ZC3H7B: variants seen among roughly 807,000 people sequenced by gnomAD.
ZC3H7B encodes zinc finger CCCH-type containing 7B, also known as zinc finger CCCH domain-containing protein 7B.
In ZC3H7B, 35 loss-of-function variants were observed where a neutral mutation model predicts 116.0. The ratio of observed to expected loss-of-function variants is 0.30; its 90% CI spans 0.23 to 0.40. The LOEUF is 0.40. Ranked by LOEUF, ZC3H7B falls within the 10% of genes least tolerant of loss-of-function variation. The probability of loss-of-function intolerance (pLI) is 1.00; values close to 1 mark genes in which losing one functional copy is unlikely to be tolerated. For synonymous variants in ZC3H7B, 502 were observed against 545.6 expected, an observed-to-expected ratio of 0.92 and a Z score of 1.11; for missense variants, 1,011 against 1,321.5, an observed-to-expected ratio of 0.77 and a Z score of 3.64.
intron 1 of ZC3H7B, among the ~76,000 whole-genome samples, chr22:41,306,467 G>C (rs1299913949): frequency 6.7e-6 from 1 of 149,536 alleles, no homozygotes; most frequent in East Asian, 2.0e-4. Flanking sequence ...TCCGCCTCCC[G>C]GGTTCAAGTG....
intron 7 of ZC3H7B, chr22:41,336,411 C>T (rs1406115802): frequency 6.6e-6 from 1 of 152,242 alleles, no homozygotes; most frequent in Admixed American, 6.5e-5. Context: ...CACCTATAAT[C>T]CCAGCACTCT....
rs751248989 is a variant in ZC3H7B at position 41,346,144 on chromosome 22, G to A, written c.1601G>A (p.Arg534His). 22 of 1,612,932 alleles carry A rather than the reference G, an allele frequency of 1.4e-5. No individual in the cohort carries two copies. The highest frequency in any genetic ancestry group is 2.2e-5 in the South Asian group (2 of 91,090). The change falls in exon 14 of 23, where the codon CGC (arginine) becomes CAC (histidine). Residue 534 changes from arginine (R) to histidine (H), a missense_variant. This residue lies in a region of ZC3H7B where 179 missense variants were observed against 178.5 expected (regional missense o/e 1.00). Transcript: ENST00000352645. The surrounding 1 kb of genome is among the most constrained non-coding windows in gnomAD (Gnocchi z 5.3). ...TTCGACCCGCTGGGGGGTGTTAAGC[G>A]CGGCAGCCTCACCATCGCCAAGCTC... ...LLFDPLGGVK[R>H]GSLTIAKLLK... is the part of the protein sequence containing the mutation.
At chr22:41,304,585 A>C (rs537725756) in intron 1 of ZC3H7B, among the ~76,000 whole-genome samples, 7 of 152,254 alleles carry the variant, frequency 4.6e-5, no homozygotes, top group African/African-American at 1.4e-4. Flanking sequence ...GTGCAGTGGG[A>C]GTGGAGAGAA....
At chr22:41,309,008 C>CTTTT (rs57147100) in intron 1 of ZC3H7B, among the ~76,000 whole-genome samples, 9 of 103,282 alleles carry the variant, frequency 8.7e-5, no homozygotes, top group East Asian at 2.3e-4. Flanking sequence ...TCCCAGTCTG[C>CTTTT]TTTTTTTTTT....
At chr22:41,317,198 T>G (rs1449847694) in intron 1 of ZC3H7B, among the ~76,000 whole-genome samples, 1 of 151,838 alleles carries the variant, frequency 6.6e-6, no homozygotes, top group African/African-American at 2.4e-5. Flanking sequence ...CAGGCTGGTC[T>G]CGAACTCCTG....
rs375770305 is a variant in ZC3H7B at position 41,330,031 on chromosome 22, C to T, written c.453C>T (p.Ser151=). The T allele has an allele frequency of 5.0e-6, 8 of 1,613,694 alleles. No homozygotes were observed. Among genetic ancestry groups the T allele is most frequent in the African/African-American group, 4.0e-5 (3 of 74,944 alleles). ...RCSLALPHDE[S]VTQLGQELAQ... is the part of the protein sequence containing the mutation. ...TGTCTTGTCCTCTGCAGGATGAAAG[C>T]GTGACTCAGCTTGGTCAGGAGCTGG... Residue 151 remains serine, a synonymous_variant, in exon 6 of 23, where the codon AGC becomes AGT. Transcript: ENST00000352645.
intron 11 of ZC3H7B, 109 bp from the exon 12 acceptor site, chr22:41,342,420 G>A: frequency 2.0e-6 from 2 of 991,504 alleles, no homozygotes; most frequent in Admixed American, 1.9e-5. Flanking sequence ...TTTGCTCTTG[G>A]GTAGGATAGG....
chr22:41,343,709 G>A (rs975940590), intron 13 of ZC3H7B, 133 bp downstream of exon 13: 28 of 1,279,934 alleles, frequency 2.2e-5, no homozygotes, highest in African/African-American at 7.6e-5. Context: ...AGAAAGCCAC[G>A]GCCTAGGCTC....
intron 13 of ZC3H7B, among the ~76,000 whole-genome samples, chr22:41,345,129 A>C (rs1282083709): frequency 1.3e-5 from 2 of 152,066 alleles, no homozygotes; most frequent in African/African-American, 2.4e-5. Flanking sequence ...CGCCAGCTTT[A>C]TGTATTATCT....
chr22:41,329,261 T>G (rs1353150071), intron 5 of ZC3H7B, among the ~76,000 whole-genome samples: 1 of 145,266 alleles, frequency 6.9e-6, no homozygotes, highest in Non-Finnish European at 1.5e-5. Flanking sequence ...AACTAAGCTT[T>G]TTTTTTTTTT....
At chr22:41,307,883 A>C (rs1009816226) in intron 1 of ZC3H7B, among the ~76,000 whole-genome samples, 1 of 152,120 alleles carries the variant, frequency 6.6e-6, no homozygotes, top group Admixed American at 6.6e-5. Context: ...CATGCAGGAG[A>C]CAGTCTTCAG....
chr22:41,327,080 CAA>C lies in ZC3H7B; in HGVS notation c.286-125_286-124del. On this transcript the variant is annotated intron_variant, in intron 4 of 22. Transcript: ENST00000352645. The surrounding 1 kb of genome is among the most constrained non-coding windows in gnomAD (Gnocchi z 4.5). ...GGAGCCTCGAGCCCTGTCCCTGACCCAAGACTTCAGCTCCTCTGTCTCTGCCA... is the reference window on the plus strand; with the variant it reads ...GGAGCCTCGAGCCCTGTCCCTGACCCGACTTCAGCTCCTCTGTCTCTGCCA... The C allele has an allele frequency of 7.2e-7, 1 of 1,398,248 alleles. No individual in the cohort carries two copies. 86.6% of individuals were successfully genotyped at this position (1,398,248 alleles called of 1,614,324 possible).
intron 1 of ZC3H7B, among the ~76,000 whole-genome samples, chr22:41,316,417 T>G (rs2036183996): frequency 6.7e-6 from 1 of 149,308 alleles, no homozygotes. Context: ...AGCATCACCG[T>G]CCGGAGAAGC....
chr22:41,328,799 G>A (rs2036347025), intron 5 of ZC3H7B, among the ~76,000 whole-genome samples: 1 of 152,090 alleles, frequency 6.6e-6, no homozygotes, highest in African/African-American at 2.4e-5. Context: ...TGTGCCTCAT[G>A]TATGTATCGT....
chr22:41,351,521 C>T lies in ZC3H7B; in HGVS notation c.1949-40C>T. The T allele has an allele frequency of 2.5e-6, 4 of 1,586,472 alleles. No homozygotes were observed. The highest frequency in any genetic ancestry group is 3.4e-6 in the Non-Finnish European group (4 of 1,164,466). ...ACCCCCTGCCTCCCTCCTTGCTGAGCACCTTGAAAGATGCCTGTGTCTGCC... is the reference window on the plus strand; with the variant it reads ...ACCCCCTGCCTCCCTCCTTGCTGAGTACCTTGAAAGATGCCTGTGTCTGCC... On this transcript the variant is annotated intron_variant, in intron 16 of 22. Transcript: ENST00000352645. This position sits in a 1 kb window ranked among gnomAD's most constrained non-coding sequence, Gnocchi z 5.1.
At chr22:41,350,150 C>T (rs1387731888) in intron 16 of ZC3H7B, among the ~76,000 whole-genome samples, 1 of 151,908 alleles carries the variant, frequency 6.6e-6, no homozygotes, top group Admixed American at 6.6e-5. Flanking sequence ...CAGGGAAGGG[C>T]GGGGAGTGCA....
In ZC3H7B at chr22:41,343,508, A is replaced by G; in HGVS notation, c.1391A>G (p.Gln464Arg). The part of the protein sequence containing the change: ...LLGRLRSSED[Q>R]TWKRIRPRPT... Reference sequence around the variant, plus strand: ...GGCCGGCTCCGGAGCTCGGAGGACCAGACCTGGAAGCGGATCCGGCCCCGG... The same window carrying G: ...GGCCGGCTCCGGAGCTCGGAGGACCGGACCTGGAAGCGGATCCGGCCCCGG... The change falls in exon 13 of 23, where the codon CAG (glutamine) becomes CGG (arginine). Residue 464 changes from glutamine (Q) to arginine (R), a missense_variant. Coordinates refer to ENST00000352645, the MANE Select transcript of ZC3H7B (RefSeq NM_017590.6). 1.2e-6 allele frequency: 2 copies of G among 1,613,722 alleles called. No homozygotes were observed. Among genetic ancestry groups the G allele is most frequent in the Non-Finnish European group, 1.7e-6 (2 of 1,179,878 alleles).
chr22:41,350,967 G>T (rs558029759), intron 16 of ZC3H7B, among the ~76,000 whole-genome samples: 2 of 152,368 alleles, frequency 1.3e-5, no homozygotes, highest in South Asian at 4.1e-4. Context: ...AAGAGGGCAG[G>T]CTTCATGGAA....
At chr22:41,309,071 G>A (rs1245049569) in intron 1 of ZC3H7B, among the ~76,000 whole-genome samples, 2 of 147,882 alleles carry the variant, frequency 1.4e-5, no homozygotes, top group African/African-American at 5.0e-5. Flanking sequence ...GAGTGCAGTG[G>A]CGCGATCTCG....
Sources: gnomAD v4.1 joint callset for allele counts (sites outside exome capture counted in the v4.1 genomes callset) on GRCh38, gnomAD v4.1.1 for gene constraint, gnomAD v4.1.1 regional missense constraint, Gnocchi (gnomAD v3.1) non-coding constraint, MANE v1.5 for transcripts, NCBI Gene and HGNC (gene_info 2026-07-23, HGNC 2026-07-21) for gene names.